Variants in CACNA2D3 observed in about 807,000 individuals in gnomAD.
CACNA2D3 encodes calcium voltage-gated channel auxiliary subunit alpha2delta 3.
A neutral mutation model predicts 160.6 loss-of-function variants in CACNA2D3; 60 were observed. That is an observed-to-expected ratio of 0.37 (90% CI 0.30 to 0.46). The LOEUF is 0.46. Among genes scored for constraint, CACNA2D3 ranks in the 20% least tolerant of loss-of-function variants. The pLI, the probability that CACNA2D3 is intolerant of heterozygous loss-of-function variation, is 1.00. For synonymous variants in CACNA2D3, 558 were observed against 492.9 expected (o/e 1.13, Z -1.75); for missense variants, 1,205 against 1,365.0 (o/e 0.88, Z 1.85).
At chr3:54,996,626 G>T (rs1156516088) in intron 31 of CACNA2D3, among the ~76,000 whole-genome samples, 3 of 152,112 alleles carry the variant, frequency 2.0e-5, no homozygotes, top group African/African-American at 4.8e-5. Context: ...AATCAGTGCT[G>T]CTCTCCAGGA....
chr3:54,248,506 AAAAG>A (rs1206940050), intron 2 of CACNA2D3, among the ~76,000 whole-genome samples: 2 of 151,766 alleles, frequency 1.3e-5, no homozygotes, highest in Non-Finnish European at 1.5e-5. Context: ...AAGAAAAAGA[AAAAG>A]AAAAAAAAAG....
chr3:54,281,438 GCAGAGTGGAT>G (rs1408907494), intron 2 of CACNA2D3, among the ~76,000 whole-genome samples: 1 of 152,168 alleles, frequency 6.6e-6, no homozygotes, highest in African/African-American at 2.4e-5. Context: ...CCTCCCGGTG[GCAGAGTGGAT>G]CATGAGGGGG....
At chr3:54,541,079 C>T (rs1309601272) in intron 5 of CACNA2D3, among the ~76,000 whole-genome samples, 1 of 151,814 alleles carries the variant, frequency 6.6e-6, no homozygotes, top group Non-Finnish European at 1.5e-5. Context: ...ATATTGAGAC[C>T]ATCCTGGCTA....
chr3:54,720,952 A>G (rs1701157626), intron 11 of CACNA2D3, among the ~76,000 whole-genome samples: 1 of 152,204 alleles, frequency 6.6e-6, no homozygotes, highest in African/African-American at 2.4e-5. Context: ...TGTATAATTT[A>G]ATCTTACCTA....
intron 2 of CACNA2D3, among the ~76,000 whole-genome samples, chr3:54,199,342 T>C (rs1701135275): frequency 6.6e-6 from 1 of 152,094 alleles, no homozygotes; most frequent in African/African-American, 2.4e-5. Flanking sequence ...AAGAGGACTC[T>C]TTCTTGCTTT....
intron 4 of CACNA2D3, among the ~76,000 whole-genome samples, chr3:54,450,693 C>G (rs915027156): frequency 5.3e-5 from 8 of 152,156 alleles, no homozygotes. Context: ...CCTTCACCTT[C>G]CACCATAGTG....
At chr3:54,467,003 A>G (rs1254595430) in intron 4 of CACNA2D3, among the ~76,000 whole-genome samples, 1 of 152,192 alleles carries the variant, frequency 6.6e-6, no homozygotes, top group African/African-American at 2.4e-5. Context: ...TCTCAATACT[A>G]AGAATCAACT....
intron 11 of CACNA2D3, among the ~76,000 whole-genome samples, chr3:54,739,751 ATGTGTGTGTGTGTGTGTGTGTGTGTGTG>A (rs5849058): frequency 2.1e-5 from 3 of 145,848 alleles, no homozygotes; most frequent in African/African-American, 5.2e-5. Context: ...CTCCTCATAT[ATGTGTGTGTGTGTGTGTGTGTGTGTGTG>A]TGTGTGTGTG....
chr3:54,638,227 A>G (rs1245939597), intron 10 of CACNA2D3: 1 of 151,998 alleles, frequency 6.6e-6, no homozygotes, highest in Non-Finnish European at 1.5e-5. Context: ...TTTAGGGGCT[A>G]GGGCTGTAAA....
At chr3:54,728,524 C>T (rs1253863358) in intron 11 of CACNA2D3, among the ~76,000 whole-genome samples, 2 of 152,026 alleles carry the variant, frequency 1.3e-5, no homozygotes, top group Admixed American at 6.6e-5. Flanking sequence ...ACCTGTAAGT[C>T]TATTATCTCT....
chr3:54,283,880 T>A (rs1702943911), intron 2 of CACNA2D3, among the ~76,000 whole-genome samples: 1 of 152,076 alleles, frequency 6.6e-6, no homozygotes, highest in Non-Finnish European at 1.5e-5. Flanking sequence ...CTGGTCAACA[T>A]GGTGAAACCC....
chr3:54,917,217 C>T (rs1180854461), intron 27 of CACNA2D3, among the ~76,000 whole-genome samples: 1 of 152,204 alleles, frequency 6.6e-6, no homozygotes, highest in Non-Finnish European at 1.5e-5. Flanking sequence ...ATGAAAGGTT[C>T]CTTTAAATAG....
At chr3:54,956,527 CA>C (rs1701898092) in intron 27 of CACNA2D3, among the ~76,000 whole-genome samples, 1 of 152,138 alleles carries the variant, frequency 6.6e-6, no homozygotes, top group Admixed American at 6.5e-5. Flanking sequence ...AACTCGTTAC[CA>C]ACCTAGGATT....
intron 2 of CACNA2D3, among the ~76,000 whole-genome samples, chr3:54,167,926 T>C (rs780244367): frequency 2.0e-5 from 3 of 152,224 alleles, no homozygotes; most frequent in Non-Finnish European, 4.4e-5. Flanking sequence ...TCTTCTTTGC[T>C]TTTGCTTTTC....
In CACNA2D3 at chr3:54,752,613, A is replaced by G. The variant is rs1184949142; in HGVS notation, c.1182A>G (p.Thr394=). ...NWPDRKVRIF[T]YLIGREAAFA... ...CTTCCCTTCAGGTTCGCATCTTCACATACCTCATTGGACGAGAGGCTGCGT... is the reference window on the plus strand; with the variant it reads ...CTTCCCTTCAGGTTCGCATCTTCACGTACCTCATTGGACGAGAGGCTGCGT... Residue 394 remains threonine, a synonymous_variant, in exon 12 of 38, where the codon ACA becomes ACG. Coordinates refer to ENST00000474759, the MANE Select transcript of CACNA2D3 (RefSeq NM_018398.3). 2.5e-6 allele frequency: 4 copies of G among 1,613,424 alleles called. No homozygotes were observed. The highest frequency in any genetic ancestry group is 1.7e-5 in the Admixed American group (1 of 60,004).
intron 13 of CACNA2D3, among the ~76,000 whole-genome samples, chr3:54,782,636 C>T (rs1464550268): frequency 6.6e-6 from 1 of 152,064 alleles, no homozygotes; most frequent in Non-Finnish European, 1.5e-5. Context: ...GCGGTCAAGG[C>T]CCCTGCTGTA....
chr3:55,000,627 T>A (rs1702961338), intron 31 of CACNA2D3, among the ~76,000 whole-genome samples: 1 of 152,188 alleles, frequency 6.6e-6, no homozygotes. Context: ...CCAGAGCAAT[T>A]TAGTTTAGCC....
intron 27 of CACNA2D3, among the ~76,000 whole-genome samples, chr3:54,932,745 G>A (rs1412454800): frequency 6.6e-6 from 1 of 152,136 alleles, no homozygotes; most frequent in Admixed American, 6.5e-5. Context: ...TAAAGTCATG[G>A]CCAAGTGCTC....
At chr3:54,749,883 C>G (rs1293349726) in intron 11 of CACNA2D3, among the ~76,000 whole-genome samples, 1 of 152,132 alleles carries the variant, frequency 6.6e-6, no homozygotes, top group Non-Finnish European at 1.5e-5. Context: ...ATATAATACC[C>G]ATAAACCCCT....
Sources: allele counts gnomAD v4.1 joint callset (sites outside exome capture counted in the v4.1 genomes callset), GRCh38; gene constraint gnomAD v4.1.1; transcripts MANE v1.5; gene names NCBI Gene and HGNC (gene_info 2026-07-23, HGNC 2026-07-21).